NEBL: variants seen among roughly 807,000 people sequenced by gnomAD.
The protein encoded by NEBL is LIM and SH3 protein 2.
Under a neutral mutation model 140.2 loss-of-function variants are expected in NEBL, and 122 were observed. The ratio of observed to expected loss-of-function variants is 0.87; its 90% confidence interval spans 0.75 to 1.01. NEBL has a LOEUF of 1.01. Ranked by LOEUF, NEBL falls within the 50% of genes least tolerant of loss-of-function variation. The pLI is 0.00. For missense variants in NEBL, 1,365 were observed against 1,231.3 expected, an observed-to-expected ratio of 1.11 and a Z score of -1.62; for synonymous variants, 436 against 398.9, an observed-to-expected ratio of 1.09 and a Z score of -1.11.
At chr10:21,119,402 T>A (rs78105141) in intron 2 of NEBL, among the ~76,000 whole-genome samples, 16,006 of 150,790 alleles carry the variant, frequency 0.11, 905 homozygotes, top group South Asian at 0.14. Context: ...TATGTGCAGG[T>A]ATAAAGCAAA....
chr10:21,286,176 TG>T (rs1460157877), intron 1 of NEBL, among the ~76,000 whole-genome samples: 1 of 152,224 alleles, frequency 6.6e-6, no homozygotes, highest in African/African-American at 2.4e-5. Context: ...TTCATCCTAT[TG>T]TGTTCTTGAA....
chr10:21,196,721 A>G (rs1841658264), intron 3 of NEBL, among the ~76,000 whole-genome samples: 2 of 152,314 alleles, frequency 1.3e-5, no homozygotes, highest in South Asian at 4.1e-4. Flanking sequence ...GACTGGCTTC[A>G]AGGACACTAC....
In NEBL at chr10:20,814,015, A is replaced by G; in HGVS notation, c.2270T>C (p.Met757Thr). The G allele has an allele frequency of 6.2e-7, 1 of 1,609,290 alleles. No homozygotes were observed. The highest frequency in any genetic ancestry group is 1.1e-5 in the South Asian group (1 of 90,958). ...SVKYTQDHKQ[M>T]KGRPSLILDT... ...TAAAATCAGACTTGGTCTACCTTTC[A>G]TCTGTTTATGGTCCTGGGTATATTT... The change falls in exon 23 of 28, where the codon ATG becomes ACG. Residue 757 changes from methionine (M) to threonine (T), a missense_variant. Transcript: ENST00000377122.
At chr10:20,897,373 G>T, upstream of NEBL, 1 of 1,422,238 alleles carries the variant, frequency 7.0e-7, no homozygotes, top group Non-Finnish European at 9.1e-7. Context: ...AGTGGTGTGT[G>T]AGTGAACAGA....
At chr10:21,230,647 C>T (rs2132254394) in intron 3 of NEBL, among the ~76,000 whole-genome samples, 1 of 151,272 alleles carries the variant, frequency 6.6e-6, no homozygotes, top group Middle Eastern at 3.4e-3. Flanking sequence ...CTCTGTCGCC[C>T]AGGCTGGAGT....
intron 2 of NEBL, among the ~76,000 whole-genome samples, chr10:21,148,692 A>C (rs566453251): frequency 3.1e-4 from 47 of 151,826 alleles, no homozygotes; most frequent in African/African-American, 6.8e-4. Context: ...TGCCCAGCTA[A>C]TTTTTGTATT....
At chr10:21,267,828 G>A (rs531886985) in intron 1 of NEBL, among the ~76,000 whole-genome samples, 41 of 152,338 alleles carry the variant, frequency 2.7e-4, no homozygotes, top group African/African-American at 9.9e-4. Context: ...GTAGCTACAT[G>A]TGGCTAGTGT....
At chr10:20,826,662 G>T in intron 17 of NEBL, 123 bp from the exon 18 acceptor site, 1 of 767,584 alleles carries the variant, frequency 1.3e-6, no homozygotes, top group Non-Finnish European at 2.2e-6. Context: ...ATTTATGAGT[G>T]CCGGAATTAT....
intron 3 of NEBL, among the ~76,000 whole-genome samples, chr10:20,963,041 C>G (rs948373194): frequency 3.4e-5 from 5 of 148,996 alleles, no homozygotes; most frequent in African/African-American, 1.2e-4. Flanking sequence ...CACACACACA[C>G]ACACACGGAA....
At chr10:21,008,450 G>A (rs891416210) in intron 3 of NEBL, among the ~76,000 whole-genome samples, 3 of 151,878 alleles carry the variant, frequency 2.0e-5, no homozygotes, top group Non-Finnish European at 4.4e-5. Flanking sequence ...GATTTTTGGG[G>A]AACAGATGGT....
chr10:21,037,106 T>TCAGGACTTC (rs1347299173), intron 2 of NEBL, among the ~76,000 whole-genome samples: 1 of 152,144 alleles, frequency 6.6e-6, no homozygotes, highest in African/African-American at 2.4e-5. Context: ...TACTCAGGAA[T>TCAGGACTTC]CAGGACTTCC....
At chr10:21,055,434 G>T (rs532477888) in intron 2 of NEBL, among the ~76,000 whole-genome samples, 1 of 152,098 alleles carries the variant, frequency 6.6e-6, no homozygotes, top group Non-Finnish European at 1.5e-5. Flanking sequence ...TTTAACTTTG[G>T]TGTCAATGCT....
chr10:20,989,592 G>A (rs1322787696), intron 3 of NEBL, among the ~76,000 whole-genome samples: 2 of 152,074 alleles, frequency 1.3e-5, no homozygotes, highest in African/African-American at 2.4e-5. Flanking sequence ...GGGAGTGCTG[G>A]CCTTTCTGGA....
rs191572646 is a variant in NEBL at position 20,877,659 on chromosome 10, T to C, written c.480+3135A>G. ...TTCCCTTTTCCTTTCCAACCATGTGTGCAGTAGGGAGCAGACAACATGGAA... is the reference window on the plus strand; with the variant it reads ...TTCCCTTTTCCTTTCCAACCATGTGCGCAGTAGGGAGCAGACAACATGGAA... On this transcript the variant is annotated intron_variant, in intron 5 of 27. Coordinates refer to ENST00000377122, the MANE Select transcript of NEBL (RefSeq NM_006393.3). Among the ~76,000 whole-genome samples, 341 of 152,258 alleles carry C rather than the reference T, an allele frequency of 2.2e-3. 1 individual carries two copies. Among genetic ancestry groups the C allele is most frequent in the African/African-American group, 8.0e-3 (332 of 41,546 alleles).
chr10:20,973,073 C>A (rs976277457), intron 3 of NEBL, among the ~76,000 whole-genome samples: 1 of 152,050 alleles, frequency 6.6e-6, no homozygotes, highest in Non-Finnish European at 1.5e-5. Flanking sequence ...GTAAGAGCTC[C>A]ACATTAATTA....
At chr10:21,196,414 G>T (rs1471498493) in intron 3 of NEBL, among the ~76,000 whole-genome samples, 2 of 147,482 alleles carry the variant, frequency 1.4e-5, no homozygotes, top group Non-Finnish European at 3.0e-5. Flanking sequence ...GCACAATCTT[G>T]GATCACTGCA....
intron 4 of NEBL, among the ~76,000 whole-genome samples, chr10:20,941,611 G>C (rs1834872014): frequency 6.7e-6 from 1 of 150,176 alleles, no homozygotes; most frequent in African/African-American, 2.5e-5. Flanking sequence ...AGGAAATAAA[G>C]GGTATTCAAG....
At chr10:21,101,684 AC>A (rs1837485214) in intron 2 of NEBL, among the ~76,000 whole-genome samples, 1 of 151,982 alleles carries the variant, frequency 6.6e-6, no homozygotes, top group Non-Finnish European at 1.5e-5. Context: ...AATACTATGT[AC>A]CCCCACAATT....
At chr10:21,061,369 T>C (rs531915513) in intron 2 of NEBL, among the ~76,000 whole-genome samples, 1 of 104,854 alleles carries the variant, frequency 9.5e-6, no homozygotes, top group Non-Finnish European at 2.0e-5. Context: ...ATGGGTCAGA[T>C]TTATGTTTTA....
Sources: gnomAD v4.1 joint callset for allele counts (sites outside exome capture counted in the v4.1 genomes callset) on GRCh38, gnomAD v4.1.1 for gene constraint, MANE v1.5 for transcripts, NCBI Gene and HGNC (gene_info 2026-07-23, HGNC 2026-07-21) for gene names.